Variants in ZGRF1 observed in about 807,000 individuals in gnomAD.
The protein encoded by ZGRF1 is 5'-3' DNA helicase ZGRF1.
In ZGRF1, 196 loss-of-function variants were observed where a neutral mutation model predicts 203.5. The observed-to-expected ratio is 0.96, with a 90% CI of 0.86 to 1.08. The LOEUF (loss-of-function observed/expected upper bound fraction) is 1.08, where lower values mean the gene tolerates loss of function less well. Ranked by LOEUF, ZGRF1 falls within the 50% of genes least tolerant of loss-of-function variation. The pLI, the probability that ZGRF1 is intolerant of heterozygous loss-of-function variation, is 0.00. For missense variants in ZGRF1, 2,326 were observed against 2,416.3 expected (o/e 0.96, Z 0.78); for synonymous variants, 809 against 841.3 (o/e 0.96, Z 0.66).
At chr4:112,625,686 C>G (rs1272214993) in intron 3 of ZGRF1, among the ~76,000 whole-genome samples, 1 of 151,324 alleles carries the variant, frequency 6.6e-6, no homozygotes, top group Non-Finnish European at 1.5e-5. Context: ...CACCTGAGGT[C>G]AGGAGTTCGA....
At chr4:112,630,129 A>G in intron 3 of ZGRF1, 1 of 155,414 alleles carries the variant, frequency 6.4e-6, no homozygotes, top group East Asian at 1.9e-4. Context: ...CAAATTTAAT[A>G]GGATTACATA....
rs1225799229 is a variant in ZGRF1 at position 112,540,125 on chromosome 4, C to T, written c.5911-1G>A. 2.6e-6 allele frequency: 4 copies of T among 1,532,098 alleles called. No homozygotes were observed. Among genetic ancestry groups the T allele is most frequent in the Non-Finnish European group, 3.5e-6 (4 of 1,135,662 alleles). 94.9% of individuals were successfully genotyped at this position (1,532,098 alleles called of 1,614,324 possible). ...CCACAGCACTGAGTAAATGACAAAG[C>T]TGTGGAAGAAAAAACAGCAATCATG... On this transcript the variant is annotated splice_acceptor_variant, in intron 26 of 27. Coordinates refer to ENST00000505019, the MANE Select transcript of ZGRF1 (RefSeq NM_018392.5). LOFTEE classifies it high-confidence loss of function.
At chr4:112,581,472 C>T (rs533945618) in intron 16 of ZGRF1, among the ~76,000 whole-genome samples, 191 bp downstream of exon 16, 47 of 149,672 alleles carry the variant, frequency 3.1e-4, no homozygotes, top group African/African-American at 1.1e-3. Context: ...AATAAAAAGC[C>T]CTAATATCTT....
chr4:112,558,157 G>A lies in ZGRF1; in HGVS notation c.5113C>T (p.Leu1705Phe), dbSNP rs1310408922. 3 of 1,603,298 alleles carry A rather than the reference G, an allele frequency of 1.9e-6. No individual in the cohort carries two copies. The highest frequency in any genetic ancestry group is 1.7e-6 in the Non-Finnish European group (2 of 1,176,584). The stretch of plus-strand genomic sequence containing the variant: ...TGCACTTGTCATGCCTACCCAAGAA[G>A]TACTCTGTCAACAGCCACATTAGTA... ...SSTNVAVDRV[L>F]LGLLSLGFEN... is the part of the protein sequence containing the mutation. The change falls in exon 20 of 28, where the codon CTT (leucine) becomes TTT (phenylalanine). Residue 1705 changes from leucine (L) to phenylalanine (F), a missense_variant. Physicochemically the swap from Leu to Phe is conservative, Grantham distance 22. Transcript: ENST00000505019.
intron 20 of ZGRF1, among the ~76,000 whole-genome samples, chr4:112,555,878 T>C (rs1021278598): frequency 5.3e-5 from 8 of 152,302 alleles, no homozygotes; most frequent in Admixed American, 3.9e-4. Flanking sequence ...CTTTTATAAG[T>C]TTCCTGTTAA....
Position 112,587,806 on chromosome 4 carries a change from G to C in ZGRF1, c.3251C>G (p.Ser1084Trp), listed in dbSNP as rs539876029. The change falls in exon 12 of 28, where the codon TCG becomes TGG. Residue 1084 changes from serine (S) to tryptophan (W), a missense_variant. Coordinates refer to ENST00000505019, the MANE Select transcript of ZGRF1 (RefSeq NM_018392.5). ...GTATGTGTTAGAGTTGATCATATACGAATGAGAGTCTAAGTCAGGTGGCCC... is the reference window on the plus strand; with the variant it reads ...GTATGTGTTAGAGTTGATCATATACCAATGAGAGTCTAAGTCAGGTGGCCC... ...TDGPPDLDSHSYMINSNTYES... is the reference protein window; with the variant it reads ...TDGPPDLDSHWYMINSNTYES... 2.6e-5 allele frequency: 41 copies of C among 1,551,942 alleles called. No homozygotes were observed. In the South Asian group the frequency reaches 4.3e-4, roughly 16 times the overall value.
In ZGRF1 at chr4:112,586,480, G is replaced by T. The variant is rs776149448; in HGVS notation, c.3881C>A (p.Ala1294Asp). 3.2e-5 allele frequency: 52 copies of T among 1,612,640 alleles called. No homozygotes were observed. The highest frequency in any genetic ancestry group is 4.4e-5 in the Non-Finnish European group (52 of 1,179,196). Reference sequence around the variant, plus strand: ...AGATGTGAAAGTCTGCTTATAATGAGCAGGAGACTGAAAAACAGCTGGTAT... The same window carrying T: ...AGATGTGAAAGTCTGCTTATAATGATCAGGAGACTGAAAAACAGCTGGTAT... ...IHIPAVFQSP[A>D]HYKQTFTSCL... is the part of the protein sequence containing the mutation. The change falls in exon 13 of 28, where the codon GCT becomes GAT. Residue 1294 changes from alanine to aspartate, a missense_variant. Physicochemically the swap from Ala to Asp is moderately radical, Grantham distance 126 (BLOSUM62 -2). Coordinates refer to ENST00000505019, the MANE Select transcript of ZGRF1 (RefSeq NM_018392.5).
At chr4:112,584,627 G>A (rs984375633) in intron 14 of ZGRF1, among the ~76,000 whole-genome samples, 2 of 152,038 alleles carry the variant, frequency 1.3e-5, no homozygotes, top group South Asian at 2.1e-4. Flanking sequence ...CAACAACATA[G>A]TACGAGCATG....
At chr4:112,590,503 C>T (rs564423496) in intron 10 of ZGRF1, among the ~76,000 whole-genome samples, 1 of 151,946 alleles carries the variant, frequency 6.6e-6, no homozygotes, top group East Asian at 1.9e-4. Context: ...AGAATACATA[C>T]CAAATTGTTA....
At chr4:112,630,270 C>A (rs2047364450) in intron 3 of ZGRF1, among the ~76,000 whole-genome samples, 2 of 152,214 alleles carry the variant, frequency 1.3e-5, no homozygotes, top group South Asian at 4.1e-4. Context: ...GTAATCCCAG[C>A]ACTTTGGGAG....
chr4:112,576,010 TA>T (rs916316930), intron 16 of ZGRF1, among the ~76,000 whole-genome samples: 118 of 152,204 alleles, frequency 7.8e-4, no homozygotes, highest in African/African-American at 2.8e-3. Flanking sequence ...CCAAGTAGCC[TA>T]ACTGGGAGGC....
chr4:112,606,916 GGATA>G (rs1379461074), intron 8 of ZGRF1, among the ~76,000 whole-genome samples: 4 of 151,912 alleles, frequency 2.6e-5, no homozygotes, highest in African/African-American at 9.7e-5. Context: ...CATATGACTT[GGATA>G]GACACAGAAA....
chr4:112,636,695 T>C (rs1243187532), intron 1 of ZGRF1, 156 bp downstream of exon 1: 3 of 152,242 alleles, frequency 2.0e-5, no homozygotes, highest in Admixed American at 2.0e-4. Flanking sequence ...CACCACTTAC[T>C]ACAAGCAGTC....
Position 112,618,242 on chromosome 4 carries a change from T to C in ZGRF1, c.1800A>G (p.Thr600=). 1 of 1,613,984 alleles carries C rather than the reference T, an allele frequency of 6.2e-7. No homozygotes were observed. Among genetic ancestry groups the C allele is most frequent in the Non-Finnish European group, 8.5e-7 (1 of 1,179,916 alleles). Residue 600 remains threonine, a synonymous_variant, in exon 6 of 28, where the codon ACA becomes ACG. Coordinates refer to ENST00000505019, the MANE Select transcript of ZGRF1 (RefSeq NM_018392.5). ...PFLTSVSDKP[T]VTFPVKETLP... ...GAGTCTCTTTAACAGGAAATGTCAC[T>C]GTAGGTTTGTCACTAACAGATGTTA...
At chr4:112,589,548 T>C in intron 11 of ZGRF1, 176 bp downstream of exon 11, 1 of 596,794 alleles carries the variant, frequency 1.7e-6, no homozygotes, top group South Asian at 2.4e-5. Context: ...GGGAATATTG[T>C]ACCTGGAATA....
intron 6 of ZGRF1, among the ~76,000 whole-genome samples, 189 bp downstream of exon 6, chr4:112,617,251 A>G (rs376492757): frequency 6.6e-6 from 1 of 152,188 alleles, no homozygotes; most frequent in South Asian, 2.1e-4. Flanking sequence ...AGGGTAGAAT[A>G]AGGGATGTGG....
At chr4:112,621,556 G>A (rs1380570391) in intron 4 of ZGRF1, among the ~76,000 whole-genome samples, 1 of 151,340 alleles carries the variant, frequency 6.6e-6, no homozygotes. Context: ...GGGAGGCTGA[G>A]GCAGGAGAAT....
chr4:112,579,716 G>A lies in ZGRF1; in HGVS notation c.4438+1947C>T, dbSNP rs374274421. ...AATACCTAGGAATCCAACTTACAAG[G>A]GACGTGAAGGACCTCTTCAAGGAGA... On this transcript the variant is annotated intron_variant, in intron 16 of 27. Transcript: ENST00000505019. Among the ~76,000 whole-genome samples the A allele has an allele frequency of 1.2e-3, 141 of 120,648 alleles. 39 individuals carry two copies. In the East Asian group the frequency reaches 0.028, roughly 24 times the overall value. The allele number at this position is 120,648 out of a possible 152,430, so 79.1% of individuals were successfully genotyped here. A position where few individuals can be genotyped will look rare whatever the true frequency, so the allele number is the denominator to read the frequency against.
rs1435589669 is a variant in ZGRF1 at position 112,541,139 on chromosome 4, C to A, written c.5728G>T (p.Glu1910Ter). 6.2e-7 allele frequency: 1 copy of A among 1,608,002 alleles called. No homozygotes were observed. Among genetic ancestry groups the A allele is most frequent in the Non-Finnish European group, 8.5e-7 (1 of 1,176,928 alleles). Residue 1910 changes from glutamate to a stop codon, truncating the protein, a stop_gained, in exon 25 of 28, where the codon GAA becomes TAA. Coordinates refer to ENST00000505019, the MANE Select transcript of ZGRF1 (RefSeq NM_018392.5). LOFTEE classifies it high-confidence loss of function. Reference protein sequence around the residue: ...VTEIERSPLLEWLPTLCFYNV... With the variant: ...VTEIERSPLL ...TAAAAACACAGGGTTGGTAGCCATT[C>A]CAATAAAGGGCTCCGCTCTATTTCT...
Sources: gnomAD v4.1 joint callset for allele counts (sites outside exome capture counted in the v4.1 genomes callset) on GRCh38, gnomAD v4.1.1 for gene constraint, MANE v1.5 for transcripts, NCBI Gene and HGNC (gene_info 2026-07-23, HGNC 2026-07-21) for gene names.